The following HMCN1 variants were observed in gnomAD, a reference collection of about 807,000 sequenced individuals.
HMCN1 encodes the protein hemicentin 1, also known as hemicentin-1.
A neutral mutation model predicts 625.9 loss-of-function variants in HMCN1; 321 were observed. The observed-to-expected ratio is 0.51, with a 90% CI of 0.47 to 0.56. HMCN1 has a LOEUF of 0.56. Ranked by LOEUF, HMCN1 falls within the 20% of genes least tolerant of loss-of-function variation. HMCN1 has a pLI of 0.00. For synonymous variants in HMCN1, 2,425 were observed against 2,417.6 expected (o/e 1.00, Z -0.09); for missense variants, 6,588 against 6,887.3 (o/e 0.96, Z 1.54).
chr1:185,816,238 G>A (rs1213835093), intron 1 of HMCN1, among the ~76,000 whole-genome samples: 1 of 152,224 alleles, frequency 6.6e-6, no homozygotes, highest in East Asian at 1.9e-4. Context: ...ATCAATCCAT[G>A]TGCTAGGCTG....
rs1660634540 is a variant in HMCN1 at position 186,106,887 on chromosome 1, G to A, written c.10774G>A (p.Glu3592Lys). 1 of 1,604,468 alleles carries A rather than the reference G, an allele frequency of 6.2e-7. No individual in the cohort carries two copies. Among genetic ancestry groups the A allele is most frequent in the Non-Finnish European group, 8.5e-7 (1 of 1,171,344 alleles). Reference sequence around the variant, plus strand: ...ATTCATTATTTGGGTTTTGTAGGTGGAGGATACAGGAAGATATACATGTCT... The same window carrying A: ...ATTCATTATTTGGGTTTTGTAGGTGAAGGATACAGGAAGATATACATGTCT... ...EVLRISTAQV[E>K]DTGRYTCLAS... Residue 3592 changes from glutamate (E) to lysine (K), a missense_variant, in exon 70 of 107, where the codon GAG becomes AAG. Transcript: ENST00000271588.
intron 57 of HMCN1, among the ~76,000 whole-genome samples, chr1:186,083,417 C>A (rs1264107560): frequency 6.8e-6 from 1 of 147,442 alleles, no homozygotes; most frequent in Non-Finnish European, 1.5e-5. Flanking sequence ...TTAAATAATT[C>A]CTTTAAAACC....
At chr1:185,751,997 C>T (rs1343921912) in intron 1 of HMCN1, among the ~76,000 whole-genome samples, 1 of 152,080 alleles carries the variant, frequency 6.6e-6, no homozygotes. Flanking sequence ...TTGCTAATTG[C>T]CTCCTGTCAA....
intron 97 of HMCN1, among the ~76,000 whole-genome samples, chr1:186,161,352 G>A (rs138740915): frequency 0.019 from 2,887 of 150,466 alleles, 34 homozygotes; most frequent in Non-Finnish European, 0.031. Context: ...ACAACACGCT[G>A]ATGGGTCTTG....
intron 10 of HMCN1, 134 bp downstream of exon 10, chr1:185,928,801 G>T: frequency 4.1e-6 from 4 of 982,880 alleles, no homozygotes; most frequent in East Asian, 2.7e-5. Context: ...CCACTGAATT[G>T]AGAACTCAAA....
chr1:186,035,681 C>T (rs1008987982), intron 36 of HMCN1, among the ~76,000 whole-genome samples: 8 of 151,866 alleles, frequency 5.3e-5, no homozygotes, highest in Non-Finnish European at 8.8e-5. Context: ...AGATTTTTCC[C>T]ATGTAGATAG....
chr1:185,801,314 G>T (rs6425005), intron 1 of HMCN1, among the ~76,000 whole-genome samples: 1 of 151,994 alleles, frequency 6.6e-6, no homozygotes, highest in Non-Finnish European at 1.5e-5. Context: ...GAAAAAAATC[G>T]CAGCTCAAAT....
chr1:186,163,649 A>G (rs1047009815), intron 97 of HMCN1, among the ~76,000 whole-genome samples: 11 of 152,238 alleles, frequency 7.2e-5, no homozygotes, highest in Non-Finnish European at 1.5e-4. Flanking sequence ...AAAATTCACT[A>G]TATATTTAAA....
intron 1 of HMCN1, among the ~76,000 whole-genome samples, chr1:185,775,382 C>A (rs1656524972): frequency 6.6e-6 from 1 of 152,074 alleles, no homozygotes; most frequent in Non-Finnish European, 1.5e-5. Context: ...CCACTGCACT[C>A]CTCTGGGCAA....
intron 93 of HMCN1, among the ~76,000 whole-genome samples, chr1:186,146,291 G>C (rs1330984020): frequency 6.6e-6 from 1 of 152,168 alleles, no homozygotes; most frequent in Non-Finnish European, 1.5e-5. Context: ...TGAATGACAT[G>C]AGCGTGGGAA....
chr1:186,091,712 C>G (rs1449114527), intron 64 of HMCN1, among the ~76,000 whole-genome samples: 2 of 151,952 alleles, frequency 1.3e-5, no homozygotes, highest in Non-Finnish European at 2.9e-5. Flanking sequence ...AATCCCATTA[C>G]CTACACATAC....
At chr1:186,070,123 C>T (rs147125583) in intron 51 of HMCN1, among the ~76,000 whole-genome samples, 2 of 152,128 alleles carry the variant, frequency 1.3e-5, no homozygotes, top group Non-Finnish European at 2.9e-5. Context: ...ATCAACAGCC[C>T]AAGATGAGGT....
chr1:186,075,034 AAAG>A lies in HMCN1; in HGVS notation c.8290+147_8290+149del, dbSNP rs534282059. Reference sequence around the variant, plus strand: ...GATTGAAAATTTAGACTCGAGAATTAAAGAAGGAAATAATCCCATCATTCAGGA... The same window carrying A: ...GATTGAAAATTTAGACTCGAGAATTAAAGGAAATAATCCCATCATTCAGGA... On this transcript the variant is annotated intron_variant, in intron 53 of 106. Coordinates refer to ENST00000271588, the MANE Select transcript of HMCN1 (RefSeq NM_031935.3). 376 of 702,108 alleles carry A rather than the reference AAAG, an allele frequency of 5.4e-4. 1 individual carries two copies. Among genetic ancestry groups the A allele is most frequent in the Non-Finnish European group, 7.5e-4 (315 of 418,174 alleles). The allele number at this position is 702,108 out of a possible 1,614,324, so 43.5% of individuals were successfully genotyped here. A position where few individuals can be genotyped will look rare whatever the true frequency, so the allele number is the denominator to read the frequency against.
intron 1 of HMCN1, among the ~76,000 whole-genome samples, chr1:185,783,571 C>T (rs569287592): frequency 6.6e-6 from 1 of 152,202 alleles, no homozygotes; most frequent in Non-Finnish European, 1.5e-5. Flanking sequence ...ACAGTCAGGA[C>T]CCTCAACTGC....
intron 1 of HMCN1, among the ~76,000 whole-genome samples, chr1:185,808,704 A>G (rs1659327379): frequency 6.6e-6 from 1 of 152,188 alleles, no homozygotes; most frequent in Non-Finnish European, 1.5e-5. Flanking sequence ...TACATGGGAT[A>G]AGAGAGTCCT....
intron 70 of HMCN1, among the ~76,000 whole-genome samples, 153 bp from the exon 71 acceptor site, chr1:186,108,308 A>T (rs1000928594): frequency 6.6e-6 from 1 of 152,172 alleles, no homozygotes; most frequent in Non-Finnish European, 1.5e-5. Context: ...TTAAAAAAAA[A>T]ACACTTCCCA....
chr1:186,150,340 A>G (rs1020412729), intron 93 of HMCN1, among the ~76,000 whole-genome samples: 11 of 152,236 alleles, frequency 7.2e-5, no homozygotes, highest in African/African-American at 2.4e-4. Context: ...TTTGAAAAAC[A>G]TTCATTAACC....
intron 93 of HMCN1, among the ~76,000 whole-genome samples, chr1:186,150,010 A>G (rs913299634): frequency 2.6e-5 from 4 of 152,214 alleles, no homozygotes; most frequent in Non-Finnish European, 5.9e-5. Flanking sequence ...TAATAATGAA[A>G]AAGTTTGAAA....
intron 1 of HMCN1, among the ~76,000 whole-genome samples, chr1:185,844,847 A>C (rs1661711848): frequency 6.6e-6 from 1 of 152,214 alleles, no homozygotes; most frequent in African/African-American, 2.4e-5. Context: ...TAAAGAGAAG[A>C]AGCTCTGGGG....
Sources: allele counts gnomAD v4.1 joint callset (sites outside exome capture counted in the v4.1 genomes callset), GRCh38; gene constraint gnomAD v4.1.1; transcripts MANE v1.5; gene names NCBI Gene and HGNC (gene_info 2026-07-23, HGNC 2026-07-21).